PCDHGB2: variants seen among roughly 807,000 people sequenced by gnomAD.
The protein encoded by PCDHGB2 is protocadherin gamma subfamily B, 2, also known as protocadherin gamma-B2.
In PCDHGB2, 55 loss-of-function variants were observed where a neutral mutation model predicts 59.3. That is an observed-to-expected ratio of 0.93 (90% CI 0.75 to 1.16). The LOEUF is 1.16. PCDHGB2 is among the 50% of genes most tolerant of loss of function. The pLI, the probability that PCDHGB2 is intolerant of heterozygous loss-of-function variation, is 0.00. For synonymous variants in PCDHGB2, 516 were observed against 512.0 expected, an observed-to-expected ratio of 1.01 and a Z score of -0.11; for missense variants, 1,228 against 1,198.5, an observed-to-expected ratio of 1.02 and a Z score of -0.36.
chr5:141,433,354 T>TCTGC, intron 1 of PCDHGB2: 2 of 602,322 alleles, frequency 3.3e-6, no homozygotes, highest in South Asian at 2.1e-5. Context: ...CCACCTACTG[T>TCTGC]CTGCCTATCT....
chr5:141,418,224 T>C (rs756997971), intron 1 of PCDHGB2: 1 of 1,613,998 alleles, frequency 6.2e-7, no homozygotes, highest in Non-Finnish European at 8.5e-7. Flanking sequence ...GTCATTGTGG[T>C]GATTGAGGAT....
chr5:141,403,925 G>A, intron 1 of PCDHGB2: 1 of 1,613,868 alleles, frequency 6.2e-7, no homozygotes, highest in South Asian at 1.1e-5. Flanking sequence ...TGAAGATGGT[G>A]GGGGATTGAA....
In PCDHGB2 at chr5:141,491,681, C is replaced by A; in HGVS notation, c.2422-3126C>A. The A allele has an allele frequency of 6.2e-7, 1 of 1,613,458 alleles. No individual in the cohort carries two copies. Among genetic ancestry groups the A allele is most frequent in the Non-Finnish European group, 8.5e-7 (1 of 1,179,804 alleles). ...GACGCCATCCGGTCCCGCTCTAATA[C>A]GCTGCGGGAGCGGAGCCAGGTGAGG... On this transcript the variant is annotated intron_variant, in intron 1 of 3. Coordinates refer to ENST00000522605, the MANE Select transcript of PCDHGB2 (RefSeq NM_018923.3). This position sits in a 1 kb window ranked among gnomAD's most constrained non-coding sequence, Gnocchi z 6.9.
At chr5:141,394,532 T>A (rs1259695027) in intron 1 of PCDHGB2, 3 of 1,614,070 alleles carry the variant, frequency 1.9e-6, no homozygotes, top group African/African-American at 2.7e-5. Flanking sequence ...ACGGTTCCAC[T>A]GGCGTGGAGC....
In PCDHGB2 at chr5:141,375,793, C is replaced by A. The variant is rs761231690; in HGVS notation, c.2421+13237C>A. 31 of 1,614,110 alleles carry A rather than the reference C, an allele frequency of 1.9e-5. No homozygotes were observed. The highest frequency in any genetic ancestry group is 2.5e-5 in the Non-Finnish European group (29 of 1,180,038). ...TCCTGTACCCCGCCCTCCCCACAGACGGTTCCACTGGCGTGGAGCTGGCGC... is the reference window on the plus strand; with the variant it reads ...TCCTGTACCCCGCCCTCCCCACAGAAGGTTCCACTGGCGTGGAGCTGGCGC... On this transcript the variant is annotated intron_variant, in intron 1 of 3. Coordinates refer to ENST00000522605, the MANE Select transcript of PCDHGB2 (RefSeq NM_018923.3).
At chr5:141,371,220 G>T in intron 1 of PCDHGB2, 2 of 1,613,994 alleles carry the variant, frequency 1.2e-6, no homozygotes, top group Non-Finnish European at 1.7e-6. Flanking sequence ...CATCAATGCC[G>T]AAATCATCTA....
chr5:141,424,556 G>C (rs2096828013), intron 1 of PCDHGB2: 1 of 152,128 alleles, frequency 6.6e-6, no homozygotes, highest in South Asian at 2.1e-4. Context: ...TTGATTCAGT[G>C]CTTCTCAAAA....
intron 1 of PCDHGB2, among the ~76,000 whole-genome samples, chr5:141,488,261 G>T (rs993627373): frequency 6.6e-6 from 1 of 152,148 alleles, no homozygotes; most frequent in Non-Finnish European, 1.5e-5. Flanking sequence ...GGTTGGGGCG[G>T]GTTGGTCATC....
chr5:141,375,125 G>C (rs376049572), intron 1 of PCDHGB2: 128 of 1,613,766 alleles, frequency 7.9e-5, no homozygotes, highest in African/African-American at 1.3e-5. Context: ...ACCAGAAGTG[G>C]TTGTTACATC....
chr5:141,428,679 TGGATGA>T (rs1231732563), intron 1 of PCDHGB2: 1 of 163,254 alleles, frequency 6.1e-6, no homozygotes, highest in Non-Finnish European at 1.3e-5. Flanking sequence ...CATTTACAAA[TGGATGA>T]GGTTTAATTT....
In PCDHGB2 at chr5:141,362,476, G is replaced by A. The variant is rs757587046; in HGVS notation, c.2341G>A (p.Val781Ile). 2 of 1,614,028 alleles carry A rather than the reference G, an allele frequency of 1.2e-6. No homozygotes were observed. Among genetic ancestry groups the A allele is most frequent in the East Asian group, 2.2e-5 (1 of 44,888 alleles). Reference protein sequence around the residue: ...TPELVPAQDLVCDNASWEQNT... With the variant: ...TPELVPAQDLICDNASWEQNT... Reference sequence around the variant, plus strand: ...GGAATTGGTTCCCGCGCAAGATCTCGTCTGTGACAATGCCTCTTGGGAACA... The same window carrying A: ...GGAATTGGTTCCCGCGCAAGATCTCATCTGTGACAATGCCTCTTGGGAACA... The change falls in exon 1 of 4, where the codon GTC (valine) becomes ATC (isoleucine). Residue 781 changes from valine (V) to isoleucine (I), a missense_variant. Val to Ile is a conservative substitution (Grantham distance 29). Transcript: ENST00000522605.
chr5:141,453,099 C>CT (rs568622146), intron 1 of PCDHGB2, among the ~76,000 whole-genome samples: 1 of 151,962 alleles, frequency 6.6e-6, no homozygotes, highest in East Asian at 1.9e-4. Flanking sequence ...TTTTCTGTTG[C>CT]TTTTTTGTTT....
In PCDHGB2 at chr5:141,431,248, G is replaced by C. The variant is rs1213088915; in HGVS notation, c.2422-63559G>C. On this transcript the variant is annotated intron_variant, in intron 1 of 3. Coordinates refer to ENST00000522605, the MANE Select transcript of PCDHGB2 (RefSeq NM_018923.3). This position sits in a 1 kb window ranked among gnomAD's most constrained non-coding sequence, Gnocchi z 4.8. ...CCCACGCCTGGGATCCGGATATCGG[G>C]AAGAACTCTCTGCAGAGCTACGAGC... is the stretch of plus-strand genomic sequence containing the variant. 5 of 1,614,022 alleles carry C rather than the reference G, an allele frequency of 3.1e-6. No homozygotes were observed. Among genetic ancestry groups the C allele is most frequent in the Non-Finnish European group, 4.2e-6 (5 of 1,180,056 alleles).
Position 141,361,349 on chromosome 5 carries a change from T to C in PCDHGB2, c.1214T>C (p.Val405Ala), listed in dbSNP as rs1459363979. The C allele has an allele frequency of 1.2e-6, 2 of 1,613,856 alleles. No individual in the cohort carries two copies. Among genetic ancestry groups the C allele is most frequent in the Non-Finnish European group, 1.7e-6 (2 of 1,179,904 alleles). ...TCCTCAAAGAACTATTACAAACTAG[T>C]GACAGACGGCGCTCTGGACCGGGAG... ...KSSSKNYYKL[V>A]TDGALDREEI... Residue 405 changes from valine (V) to alanine (A), a missense_variant, in exon 1 of 4, where the codon GTG (valine) becomes GCG (alanine). This residue lies in a region of PCDHGB2 where 781 missense variants were observed against 721.6 expected (regional missense o/e 1.08). Coordinates refer to ENST00000522605, the MANE Select transcript of PCDHGB2 (RefSeq NM_018923.3).
At chr5:141,441,298 T>C (rs1289976355) in intron 1 of PCDHGB2, 1 of 152,150 alleles carries the variant, frequency 6.6e-6, no homozygotes, top group Non-Finnish European at 1.5e-5. Flanking sequence ...ATGTCTGATA[T>C]AAGAAAATGC....
intron 1 of PCDHGB2, among the ~76,000 whole-genome samples, chr5:141,406,607 C>T (rs1289606470): frequency 6.6e-6 from 1 of 152,202 alleles, no homozygotes; most frequent in Non-Finnish European, 1.5e-5. Flanking sequence ...AAAGTTGTCA[C>T]ATCTTTTATT....
chr5:141,383,505 G>C (rs1461557707), intron 1 of PCDHGB2: 10 of 1,612,818 alleles, frequency 6.2e-6, no homozygotes, highest in Admixed American at 1.7e-5. Context: ...TGCTGGACCG[G>C]GAGGAAGAGC....
chr5:141,480,122 C>T (rs576224922), intron 1 of PCDHGB2, among the ~76,000 whole-genome samples: 1 of 151,948 alleles, frequency 6.6e-6, no homozygotes, highest in African/African-American at 2.4e-5. Flanking sequence ...CCTGGCATAT[C>T]ATAACTGTTA....
chr5:141,394,081 T>C, intron 1 of PCDHGB2: 3 of 1,613,892 alleles, frequency 1.9e-6, no homozygotes, highest in Non-Finnish European at 2.5e-6. Context: ...ATCACAGTGA[T>C]GGCCTCAGAT....
Sources: gnomAD v4.1 joint callset for allele counts (sites outside exome capture counted in the v4.1 genomes callset) on GRCh38, gnomAD v4.1.1 for gene constraint, gnomAD v4.1.1 regional missense constraint, Gnocchi (gnomAD v3.1) non-coding constraint, MANE v1.5 for transcripts, NCBI Gene and HGNC (gene_info 2026-07-23, HGNC 2026-07-21) for gene names.